Variants in UBAC2 observed in about 807,000 individuals in gnomAD.
The protein encoded by UBAC2 is ubiquitin-associated domain-containing protein 2.
UBAC2 carries 26 observed loss-of-function variants against 44.0 expected under a neutral mutation model. The observed-to-expected ratio is 0.59, with a 90% CI of 0.43 to 0.82. UBAC2 has a LOEUF of 0.82. UBAC2 is among the 40% of genes least tolerant of loss of function. The pLI is 0.00. For missense variants in UBAC2, 329 were observed against 419.4 expected (o/e 0.78, Z 1.88); for synonymous variants, 155 against 154.3 (o/e 1.00, Z -0.04).
At chr13:99,351,337 G>A (rs1257179423) in intron 7 of UBAC2, 1 of 347,374 alleles carries the variant, frequency 2.9e-6, no homozygotes, top group Non-Finnish European at 5.6e-6. Flanking sequence ...GTGATGGCCT[G>A]TGGGCCAAAC....
At chr13:99,311,867 G>T (rs570374462) in intron 4 of UBAC2, among the ~76,000 whole-genome samples, 1 of 152,192 alleles carries the variant, frequency 6.6e-6, no homozygotes, top group African/African-American at 2.4e-5. Flanking sequence ...GGACTGATAC[G>T]TGAGGAATTC....
At chr13:99,315,371 C>A (rs1282113139) in intron 5 of UBAC2, among the ~76,000 whole-genome samples, 1 of 152,190 alleles carries the variant, frequency 6.6e-6, no homozygotes, top group Non-Finnish European at 1.5e-5. Flanking sequence ...AAGTTCTAGT[C>A]CTAGCATGGC....
intron 4 of UBAC2, among the ~76,000 whole-genome samples, chr13:99,306,405 G>A (rs1029363925): frequency 6.9e-6 from 1 of 145,478 alleles, no homozygotes; most frequent in South Asian, 2.1e-4. Flanking sequence ...ACTTGTGTGT[G>A]GGGGGGCCAC....
At chr13:99,274,280 T>G (rs77108018) in intron 4 of UBAC2, among the ~76,000 whole-genome samples, 3 of 152,212 alleles carry the variant, frequency 2.0e-5, no homozygotes, top group Non-Finnish European at 2.9e-5. Context: ...TAATTTTTTT[T>G]CCATTATTGG....
intron 1 of UBAC2, among the ~76,000 whole-genome samples, chr13:99,212,133 C>G (rs1401961169): frequency 6.6e-6 from 1 of 152,058 alleles, no homozygotes; most frequent in Non-Finnish European, 1.5e-5. Context: ...CCGTTCTCAA[C>G]CTGTCTCAAT....
chr13:99,234,185 T>C (rs1230103194), intron 1 of UBAC2, among the ~76,000 whole-genome samples: 3 of 127,798 alleles, frequency 2.3e-5, no homozygotes, highest in East Asian at 4.3e-4. Context: ...TTTTTTTTTT[T>C]TTTTTTTTTT....
chr13:99,381,083 C>T (rs1263487015), intron 8 of UBAC2, among the ~76,000 whole-genome samples: 2 of 152,246 alleles, frequency 1.3e-5, no homozygotes, highest in African/African-American at 4.8e-5. Context: ...AAGGAAGTCT[C>T]GTGTACATAG....
intron 8 of UBAC2, among the ~76,000 whole-genome samples, chr13:99,368,730 C>G (rs1021597407): frequency 2.0e-5 from 2 of 100,814 alleles, no homozygotes; most frequent in Admixed American, 2.0e-4. Flanking sequence ...TGTGTGTACA[C>G]ATACCCTCAC....
At chr13:99,300,519 G>A (rs2044242856) in intron 4 of UBAC2, among the ~76,000 whole-genome samples, 1 of 152,190 alleles carries the variant, frequency 6.6e-6, no homozygotes, top group South Asian at 2.1e-4. Context: ...TCTTATATCA[G>A]CCAGTCCCAA....
intron 4 of UBAC2, chr13:99,261,876 A>G (rs1243420263): frequency 6.6e-6 from 1 of 152,278 alleles, no homozygotes; most frequent in Non-Finnish European, 1.5e-5. Flanking sequence ...ATGGGTATAC[A>G]GTAGTCCCCT....
At chr13:99,240,563 G>T (rs1417122798) in intron 2 of UBAC2, among the ~76,000 whole-genome samples, 1 of 152,156 alleles carries the variant, frequency 6.6e-6, no homozygotes, top group African/African-American at 2.4e-5. Context: ...TTTGAATCTG[G>T]TGTTCTGAGG....
At chr13:99,301,911 ATTTAT>A (rs2044262836) in intron 4 of UBAC2, among the ~76,000 whole-genome samples, 1 of 152,238 alleles carries the variant, frequency 6.6e-6, no homozygotes, top group South Asian at 2.1e-4. Context: ...TCTAATATTT[ATTTAT>A]TTTAATAATC....
chr13:99,339,282 C>T (rs2044848987), intron 6 of UBAC2, among the ~76,000 whole-genome samples: 1 of 152,236 alleles, frequency 6.6e-6, no homozygotes, highest in Non-Finnish European at 1.5e-5. Flanking sequence ...GTATCACTTT[C>T]TCTGAGGGCT....
chr13:99,342,520 C>T (rs554576050), intron 7 of UBAC2, among the ~76,000 whole-genome samples: 63 of 152,186 alleles, frequency 4.1e-4, no homozygotes, highest in South Asian at 2.1e-3. Context: ...AGGTTGGATG[C>T]TCCATAGTGG....
At chr13:99,278,322 A>G (rs1054797624) in intron 4 of UBAC2, among the ~76,000 whole-genome samples, 2 of 152,088 alleles carry the variant, frequency 1.3e-5, no homozygotes, top group South Asian at 4.2e-4. Flanking sequence ...GGTACCAGGC[A>G]GTGGTATTCA....
chr13:99,238,592 A>G (rs1594033277), intron 2 of UBAC2, 38 bp downstream of exon 2: 2 of 1,480,598 alleles, frequency 1.4e-6, no homozygotes, highest in African/African-American at 1.4e-5. Context: ...AGGAGAGCGG[A>G]CAGTTTTTTT....
intron 4 of UBAC2, among the ~76,000 whole-genome samples, chr13:99,292,191 A>G (rs1347466680): frequency 6.7e-6 from 1 of 150,008 alleles, no homozygotes; most frequent in East Asian, 2.0e-4. Flanking sequence ...ACTGGAGTGC[A>G]GTGGTGCAAT....
chr13:99,293,939 C>T (rs561196951), intron 4 of UBAC2, among the ~76,000 whole-genome samples: 42 of 152,128 alleles, frequency 2.8e-4, no homozygotes, highest in African/African-American at 1.0e-3. Flanking sequence ...GGTGTCATTG[C>T]CAACAGAGAA....
At chr13:99,287,290 C>G (rs1251201711) in intron 4 of UBAC2, among the ~76,000 whole-genome samples, 1 of 152,098 alleles carries the variant, frequency 6.6e-6, no homozygotes, top group Non-Finnish European at 1.5e-5. Flanking sequence ...CAGGTGCAGG[C>G]ACAGGCAGGT....
Sources: allele counts gnomAD v4.1 joint callset (sites outside exome capture counted in the v4.1 genomes callset), GRCh38; gene constraint gnomAD v4.1.1; transcripts MANE v1.5; gene names NCBI Gene and HGNC (gene_info 2026-07-23, HGNC 2026-07-21).